The following CDK5RAP2 variants were observed in gnomAD, a reference collection of about 807,000 sequenced individuals.
CDK5RAP2 encodes the protein CDK5 regulatory subunit-associated protein 2.
In CDK5RAP2, 147 loss-of-function variants were observed where a neutral mutation model predicts 232.9. The ratio of observed to expected loss-of-function variants is 0.63; its 90% CI spans 0.55 to 0.72. The LOEUF (loss-of-function observed/expected upper bound fraction) is 0.72, where lower values mean the gene tolerates loss of function less well. Ranked by LOEUF, CDK5RAP2 falls within the 30% of genes least tolerant of loss-of-function variation. The pLI is 0.00. For missense variants in CDK5RAP2, 2,195 were observed against 2,231.5 expected (o/e 0.98, Z 0.33); for synonymous variants, 833 against 833.7 (o/e 1.00, Z 0.01).
intron 12 of CDK5RAP2, among the ~76,000 whole-genome samples, chr9:120,502,350 A>T (rs1041007793): frequency 9.9e-5 from 15 of 152,150 alleles, no homozygotes; most frequent in African/African-American, 3.6e-4. Flanking sequence ...TGTGCACAGT[A>T]ATTACAGGTC....
rs6478475 is a variant in CDK5RAP2, at chr9:120,419,924, C to A, written c.4041G>T (p.Leu1347=). The A allele has an allele frequency of 6.2e-7, 1 of 1,613,892 alleles. No individual in the cohort carries two copies. The highest frequency in any genetic ancestry group is 8.5e-7 in the Non-Finnish European group (1 of 1,179,878). Residue 1347 remains leucine, a synonymous_variant, in exon 27 of 38, where the codon CTG becomes CTT. Transcript: ENST00000349780. ...EEDNLTYQHL[L]PESPEPSASH... is the part of the protein sequence containing the mutation. ...AGGCTGAAGGCTCAGGAGATTCAGG[C>A]AGAAGATGTTGGTAGGTTAAGTTGT...
Position 120,439,969 on chromosome 9 carries a change from G to C in CDK5RAP2, c.3152C>G (p.Ser1051Cys), listed in dbSNP as rs756094054. 6.2e-7 allele frequency: 1 copy of C among 1,613,252 alleles called. No individual in the cohort carries two copies. The highest frequency in any genetic ancestry group is 8.5e-7 in the Non-Finnish European group (1 of 1,179,818). ...AAGGTCATCAGGTGGGCAAATCTCA[G>C]AGTCTGAAAATCAAATACACTTATG... The part of the protein sequence containing the change: ...SDQQRSYEID[S>C]EICPPDDLAS... Residue 1051 changes from serine to cysteine, a missense_variant, in exon 24 of 38, where the codon TCT becomes TGT. Transcript: ENST00000349780.
chr9:120,488,306 T>C (rs751160732), intron 13 of CDK5RAP2, among the ~76,000 whole-genome samples: 1 of 152,248 alleles, frequency 6.6e-6, no homozygotes, highest in Non-Finnish European at 1.5e-5. Context: ...TGAACTGTAA[T>C]AGAAAGAACT....
chr9:120,434,653 A>G (rs2035470994), intron 25 of CDK5RAP2, among the ~76,000 whole-genome samples: 1 of 152,124 alleles, frequency 6.6e-6, no homozygotes, highest in South Asian at 2.1e-4. Context: ...GAAGACGTGC[A>G]GAAGGCGGGG....
At chr9:120,469,240 C>T (rs910164876) in intron 17 of CDK5RAP2, among the ~76,000 whole-genome samples, 14 of 152,158 alleles carry the variant, frequency 9.2e-5, no homozygotes, top group African/African-American at 2.9e-4. Context: ...GGGCAAACTC[C>T]GAATTCGTCC....
chr9:120,576,260 A>T (rs1433961206), intron 1 of CDK5RAP2, among the ~76,000 whole-genome samples: 1 of 152,224 alleles, frequency 6.6e-6, no homozygotes, highest in Non-Finnish European at 1.5e-5. Context: ...AATAGATGAC[A>T]AGAAGTGGAA....
chr9:120,408,798 C>T (rs962944595), intron 30 of CDK5RAP2, among the ~76,000 whole-genome samples: 2 of 152,270 alleles, frequency 1.3e-5, no homozygotes, highest in African/African-American at 4.8e-5. Flanking sequence ...TGCCTCAGGG[C>T]CTGCGCCCAT....
intron 14 of CDK5RAP2, among the ~76,000 whole-genome samples, chr9:120,485,473 T>C (rs999927529): frequency 6.6e-6 from 1 of 152,128 alleles, no homozygotes. Flanking sequence ...TTTTGTATTT[T>C]TAGTAGAGAC....
chr9:120,418,435 G>A (rs909780126), intron 27 of CDK5RAP2, among the ~76,000 whole-genome samples: 2 of 152,186 alleles, frequency 1.3e-5, no homozygotes, highest in African/African-American at 4.8e-5. Flanking sequence ...TTGGGTTGCT[G>A]CATTGTAAAC....
chr9:120,479,607 C>CT (rs2038198352), intron 14 of CDK5RAP2, among the ~76,000 whole-genome samples: 1 of 152,140 alleles, frequency 6.6e-6, no homozygotes, highest in Non-Finnish European at 1.5e-5. Context: ...TAAACTGAAT[C>CT]TAATCAGCAA....
At chr9:120,423,105 T>C (rs1270270201) in intron 25 of CDK5RAP2, among the ~76,000 whole-genome samples, 1 of 152,230 alleles carries the variant, frequency 6.6e-6, no homozygotes, top group Non-Finnish European at 1.5e-5. Context: ...CACAGCCAAG[T>C]TACTGGATTT....
chr9:120,507,894 G>C (rs1462626019), intron 12 of CDK5RAP2, among the ~76,000 whole-genome samples: 1 of 105,422 alleles, frequency 9.5e-6, no homozygotes. Context: ...GGTTCTCTTA[G>C]AGCAGACTGG....
At chr9:120,513,806 G>A (rs142894552) in intron 12 of CDK5RAP2, among the ~76,000 whole-genome samples, 150 of 152,298 alleles carry the variant, frequency 9.8e-4, no homozygotes, top group Non-Finnish European at 1.6e-3. Flanking sequence ...CCACTAAAAG[G>A]TCTAGGTTTT....
chr9:120,493,363 A>G (rs1383397294), intron 12 of CDK5RAP2, among the ~76,000 whole-genome samples: 1 of 152,256 alleles, frequency 6.6e-6, no homozygotes, highest in Non-Finnish European at 1.5e-5. Context: ...GGAGGATTCT[A>G]GGGAACTTGT....
chr9:120,503,021 T>C (rs1456576101), intron 12 of CDK5RAP2, among the ~76,000 whole-genome samples: 2 of 152,196 alleles, frequency 1.3e-5, no homozygotes, highest in Non-Finnish European at 2.9e-5. Context: ...GGTTGAGATA[T>C]TTTCACAAAG....
intron 11 of CDK5RAP2, among the ~76,000 whole-genome samples, chr9:120,522,597 T>A (rs537667748): frequency 1.3e-5 from 2 of 152,218 alleles, no homozygotes; most frequent in Admixed American, 6.5e-5. Context: ...CATTTTTACT[T>A]TAATAGCTGG....
intron 12 of CDK5RAP2, among the ~76,000 whole-genome samples, chr9:120,501,251 A>C (rs187469708): frequency 1.1e-3 from 168 of 152,264 alleles, no homozygotes; most frequent in Non-Finnish European, 2.0e-3. Context: ...CTCTACCTGG[A>C]AAGTTCTCCA....
At position 120,419,900 on chromosome 9, in the gene CDK5RAP2, G is replaced by A; in HGVS notation, c.4065C>T (p.Ala1355=). 3.7e-6 allele frequency: 6 copies of A among 1,613,796 alleles called. No individual in the cohort carries two copies. The highest frequency in any genetic ancestry group is 5.1e-6 in the Non-Finnish European group (6 of 1,179,698). The change falls in exon 27 of 38, where the codon GCC becomes GCT. Residue 1355 remains alanine (A), a synonymous_variant. Coordinates refer to ENST00000349780, the MANE Select transcript of CDK5RAP2 (RefSeq NM_018249.6). Reference sequence around the variant, plus strand: ...TTTCATAATCAGAGAGCGCATGAGAGGCTGAAGGCTCAGGAGATTCAGGCA... The same window carrying A: ...TTTCATAATCAGAGAGCGCATGAGAAGCTGAAGGCTCAGGAGATTCAGGCA... ...HLLPESPEPS[A]SHALSDYETS...
At chr9:120,554,472 T>C (rs2042153232) in intron 3 of CDK5RAP2, among the ~76,000 whole-genome samples, 1 of 152,180 alleles carries the variant, frequency 6.6e-6, no homozygotes, top group South Asian at 2.1e-4. Flanking sequence ...CAATATTAAG[T>C]TCAATCTTAA....
Sources: allele counts gnomAD v4.1 joint callset (sites outside exome capture counted in the v4.1 genomes callset), GRCh38; gene constraint gnomAD v4.1.1; transcripts MANE v1.5; gene names NCBI Gene and HGNC (gene_info 2026-07-23, HGNC 2026-07-21).